Variants in SHROOM4 observed in about 807,000 individuals in gnomAD.
SHROOM4 encodes protein Shroom4.
SHROOM4 carries 17 observed loss-of-function variants against 80.3 expected under a neutral mutation model. That is an observed-to-expected ratio of 0.21 (90% CI 0.14 to 0.32). The LOEUF is 0.32. Among genes scored for constraint, SHROOM4 ranks in the 10% least tolerant of loss-of-function variants. The pLI is 1.00. For missense variants in SHROOM4, 993 were observed against 1,140.3 expected (o/e 0.87, Z 1.86); for synonymous variants, 400 against 437.5 (o/e 0.91, Z 1.07).
rs781952307 is a variant in SHROOM4 at position 50,646,963 on chromosome X, T to C, written c.270-8655A>G. Reference sequence around the variant, plus strand: ...GGCTAGGGCATTACATTTGACCCTCTGCTTCCATTTCTCCATTTTCACATT... The same window carrying C: ...GGCTAGGGCATTACATTTGACCCTCCGCTTCCATTTCTCCATTTTCACATT... On this transcript the variant is annotated intron_variant, in intron 2 of 8. Coordinates refer to ENST00000376020, the MANE Select transcript of SHROOM4 (RefSeq NM_020717.5). Among the ~76,000 whole-genome samples the C allele has an allele frequency of 1.9e-4, 21 of 111,723 alleles. No homozygotes were observed. In the South Asian group the frequency reaches 3.1e-3, roughly 16 times the overall value.
At chrX:50,609,746 T>C (rs1929871652) in intron 5 of SHROOM4, among the ~76,000 whole-genome samples, 1 of 109,411 alleles carries the variant, frequency 9.1e-6, no homozygotes, top group Admixed American at 9.8e-5. Flanking sequence ...GTATATATTA[T>C]GCACATATAT....
At chrX:50,752,533 T>G (rs782475378) in intron 1 of SHROOM4, among the ~76,000 whole-genome samples, 13 of 111,492 alleles carry the variant, frequency 1.2e-4, no homozygotes, top group Non-Finnish European at 2.3e-4. Flanking sequence ...CCCTAAAAGG[T>G]TAAAAAAAGA....
At chrX:50,597,826 AT>A (rs1476111369) in intron 8 of SHROOM4, among the ~76,000 whole-genome samples, 5 of 110,613 alleles carry the variant, frequency 4.5e-5, no homozygotes, top group African/African-American at 9.9e-5. Context: ...TCACACTCTT[AT>A]TTTTTTATTT....
intron 2 of SHROOM4, among the ~76,000 whole-genome samples, chrX:50,647,102 G>C (rs1370016315): frequency 6.3e-5 from 7 of 111,785 alleles, no homozygotes; most frequent in Non-Finnish European, 9.4e-5. Context: ...AAAATGCTTA[G>C]TACTTTAGAA....
At chrX:50,774,990 T>C (rs1467181904) in intron 1 of SHROOM4, among the ~76,000 whole-genome samples, 1 of 111,996 alleles carries the variant, frequency 8.9e-6, no homozygotes, top group Admixed American at 9.5e-5. Context: ...AAATTGACAC[T>C]CATGTCTTGA....
chrX:50,722,193 T>A (rs1018692692), intron 1 of SHROOM4, among the ~76,000 whole-genome samples: 3 of 110,686 alleles, frequency 2.7e-5, no homozygotes, highest in African/African-American at 9.9e-5. Flanking sequence ...GGAGTTAAAA[T>A]GAAAGTTTGC....
At chrX:50,719,553 T>C (rs1306911915) in intron 1 of SHROOM4, among the ~76,000 whole-genome samples, 2 of 112,036 alleles carry the variant, frequency 1.8e-5, no homozygotes, top group Admixed American at 9.5e-5. Flanking sequence ...AGTATTAATG[T>C]GTTAGTGCTT....
At chrX:50,611,279 G>T (rs1929977775) in intron 5 of SHROOM4, among the ~76,000 whole-genome samples, 1 of 105,798 alleles carries the variant, frequency 9.5e-6, no homozygotes, top group Non-Finnish European at 1.9e-5. Context: ...CTCCCCAGTA[G>T]CTGGGACTAC....
rs185515273 is a variant in SHROOM4, at chrX:50,662,807, A to T, written c.270-24499T>A. On this transcript the variant is annotated intron_variant, in intron 2 of 8. Transcript: ENST00000376020. Reference sequence around the variant, plus strand: ...AAAAATTGCACATTAGAAAAGGAGAAGAAACTACGCTCCTTGGATTTTTTT... The same window carrying T: ...AAAAATTGCACATTAGAAAAGGAGATGAAACTACGCTCCTTGGATTTTTTT... 3.7e-3 allele frequency among the ~76,000 whole-genome samples: 411 copies of T among 111,523 alleles called. 2 individuals carry two copies. Among genetic ancestry groups the T allele is most frequent in the African/African-American group, 0.012 (380 of 30,727 alleles).
At chrX:50,652,017 A>G (rs1932102269) in intron 2 of SHROOM4, among the ~76,000 whole-genome samples, 1 of 111,647 alleles carries the variant, frequency 9.0e-6, no homozygotes, top group African/African-American at 3.3e-5. Context: ...AGTCTTTGCT[A>G]TTGTCAGTAG....
At chrX:50,740,697 A>C (rs1367852971) in intron 1 of SHROOM4, among the ~76,000 whole-genome samples, 1 of 112,169 alleles carries the variant, frequency 8.9e-6, no homozygotes, top group South Asian at 3.7e-4. Context: ...GCCATATGTT[A>C]GGGTATAAAA....
intron 5 of SHROOM4, among the ~76,000 whole-genome samples, chrX:50,609,691 GTA>G (rs1491208229): frequency 1.2e-5 from 1 of 82,277 alleles, no homozygotes; most frequent in Non-Finnish European, 2.6e-5. Flanking sequence ...GTGTGTGTGT[GTA>G]TAATTTTAAT....
chrX:50,639,532 A>G (rs1931504412), intron 2 of SHROOM4, among the ~76,000 whole-genome samples: 2 of 111,860 alleles, frequency 1.8e-5, no homozygotes, highest in South Asian at 7.6e-4. Flanking sequence ...AATTATTTTC[A>G]TCAATTTATT....
At chrX:50,737,181 T>C (rs889727570) in intron 1 of SHROOM4, among the ~76,000 whole-genome samples, 13 of 111,442 alleles carry the variant, frequency 1.2e-4, no homozygotes, top group Non-Finnish European at 1.9e-5. Flanking sequence ...ATGTATATCA[T>C]AAGTGCCAAA....
At chrX:50,808,710 T>G (rs1486233888) in intron 1 of SHROOM4, among the ~76,000 whole-genome samples, 2 of 111,041 alleles carry the variant, frequency 1.8e-5, no homozygotes, top group Admixed American at 1.9e-4. Flanking sequence ...GTCTCTCTTT[T>G]TTCTTTAAAG....
chrX:50,796,473 T>G (rs1272275419), intron 1 of SHROOM4, among the ~76,000 whole-genome samples: 1 of 111,176 alleles, frequency 9.0e-6, no homozygotes, highest in Admixed American at 9.6e-5. Context: ...AGATTTCTGG[T>G]CTAGAATGTT....
chrX:50,772,863 T>C (rs1385930435), intron 1 of SHROOM4, among the ~76,000 whole-genome samples: 1 of 112,085 alleles, frequency 8.9e-6, no homozygotes, highest in Non-Finnish European at 1.9e-5. Context: ...ACTCCCTGCC[T>C]TCAGATAATG....
intron 2 of SHROOM4, among the ~76,000 whole-genome samples, chrX:50,663,260 T>C (rs1287853230): frequency 2.7e-5 from 3 of 111,872 alleles, no homozygotes; most frequent in Non-Finnish European, 5.6e-5. Context: ...TCTATTTTTG[T>C]TTTGTTTGTT....
Position 50,598,273 on chromosome X carries a change from T to C in SHROOM4, c.4205A>G (p.Gln1402Arg). ...CACAGACCCCAACTCTACCTTCTCC[T>C]GGTTGGCCTCTGAATCGATGCTGTT... The part of the protein sequence containing the change: ...ALNSIDSEAN[Q>R]EKLVLIEKKQ... Residue 1402 changes from glutamine (Q) to arginine (R), a missense_variant, in exon 8 of 9, where the codon CAG (glutamine) becomes CGG (arginine). Physicochemically the swap from Gln to Arg is conservative, Grantham distance 43. Coordinates refer to ENST00000376020, the MANE Select transcript of SHROOM4 (RefSeq NM_020717.5). The C allele has an allele frequency of 8.3e-7, 1 of 1,211,732 alleles. No individual in the cohort carries two copies. Among genetic ancestry groups the C allele is most frequent in the South Asian group, 1.8e-5 (1 of 56,975 alleles).
Sources: gnomAD v4.1 joint callset for allele counts (sites outside exome capture counted in the v4.1 genomes callset) on GRCh38, gnomAD v4.1.1 for gene constraint, MANE v1.5 for transcripts, NCBI Gene and HGNC (gene_info 2026-07-23, HGNC 2026-07-21) for gene names.